Variants in TFPI observed in about 807,000 individuals in gnomAD.
The protein encoded by TFPI is tissue factor pathway inhibitor, also known as anti-convertin.
TFPI carries 15 observed loss-of-function variants against 34.6 expected under a neutral mutation model. The ratio of observed to expected loss-of-function variants is 0.43; its 90% CI spans 0.29 to 0.67. TFPI has a LOEUF of 0.67. Ranked by LOEUF, TFPI falls within the 30% of genes least tolerant of loss-of-function variation. TFPI has a pLI of 0.15. For synonymous variants in TFPI, 105 were observed against 120.1 expected (o/e 0.87, Z 0.82); for missense variants, 301 against 364.0 (o/e 0.83, Z 1.41).
intron 1 of TFPI, among the ~76,000 whole-genome samples, chr2:187,535,154 CCACTGTCAATAT>C (rs1303914831): frequency 1.3e-5 from 2 of 152,074 alleles, no homozygotes; most frequent in African/African-American, 4.8e-5. Flanking sequence ...CTTTAACACC[CCACTGTCAATAT>C]TACACAGATC....
At chr2:187,510,169 T>G (rs563824358) in intron 1 of TFPI, among the ~76,000 whole-genome samples, 2 of 152,330 alleles carry the variant, frequency 1.3e-5, no homozygotes, top group Admixed American at 6.5e-5. Flanking sequence ...CTTCCTGTTC[T>G]TTGTTTCTCC....
intron 1 of TFPI, among the ~76,000 whole-genome samples, chr2:187,533,289 G>A (rs1184753028): frequency 6.6e-6 from 1 of 152,144 alleles, no homozygotes; most frequent in African/African-American, 2.4e-5. Context: ...CCCAGCAAAG[G>A]TCAACAGACA....
At chr2:187,545,335 A>G (rs1280975345) in intron 1 of TFPI, among the ~76,000 whole-genome samples, 2 of 152,232 alleles carry the variant, frequency 1.3e-5, no homozygotes, top group Non-Finnish European at 2.9e-5. Context: ...ACACAATAGC[A>G]TATAGCATAT....
At chr2:187,529,780 TC>T (rs962427223) in intron 1 of TFPI, among the ~76,000 whole-genome samples, 1 of 152,188 alleles carries the variant, frequency 6.6e-6, no homozygotes, top group Non-Finnish European at 1.5e-5. Context: ...TGAAGATACA[TC>T]AGCCCTAGAG....
intron 6 of TFPI, among the ~76,000 whole-genome samples, chr2:187,472,702 T>C (rs891948694): frequency 3.7e-4 from 57 of 152,188 alleles, no homozygotes; most frequent in African/African-American, 1.4e-3. Context: ...TATTATTTTA[T>C]GTACTATTCA....
At chr2:187,530,716 A>G (rs1189254551) in intron 1 of TFPI, among the ~76,000 whole-genome samples, 1 of 152,076 alleles carries the variant, frequency 6.6e-6, no homozygotes, top group Admixed American at 6.6e-5. Context: ...TTTTCTCTCA[A>G]ATGTAAGCTC....
At chr2:187,549,281 G>C (rs1462277166) in intron 1 of TFPI, among the ~76,000 whole-genome samples, 1 of 152,102 alleles carries the variant, frequency 6.6e-6, no homozygotes, top group African/African-American at 2.4e-5. Flanking sequence ...ACAAGAGAAA[G>C]TTGTAATTTG....
At chr2:187,536,276 T>C (rs1393407116) in intron 1 of TFPI, among the ~76,000 whole-genome samples, 19 of 151,866 alleles carry the variant, frequency 1.3e-4, no homozygotes, top group Admixed American at 1.2e-3. Context: ...CAGAGACACA[T>C]GCACAAAAAG....
intron 6 of TFPI, among the ~76,000 whole-genome samples, chr2:187,477,567 C>A (rs1331973782): frequency 6.6e-6 from 1 of 151,940 alleles, no homozygotes. Flanking sequence ...GAGTTTCTCT[C>A]CAGAAAGTTC....
chr2:187,466,062 T>G lies in TFPI; in HGVS notation c.*874A>C, dbSNP rs1691707488. On this transcript the variant is annotated 3_prime_UTR_variant, in exon 8 of 8. Transcript: ENST00000233156. ...TTAAAGCATGAATTATTAGTTGCAT[T>G]GTGTGCAAATCCTAATGATAACTGA... 2 of 152,244 alleles carry G rather than the reference T, an allele frequency of 1.3e-5. 1 individual carries two copies. The highest frequency in any genetic ancestry group is 4.1e-4 in the South Asian group (2 of 4,832). The allele number at this position is 152,244 out of a possible 1,614,324, so 9.4% of individuals were successfully genotyped here.
In TFPI at chr2:187,538,316, C is replaced by T. The variant is rs977960350; in HGVS notation, c.-3+15884G>A. Among the ~76,000 whole-genome samples the T allele has an allele frequency of 1.8e-4, 28 of 152,168 alleles. 1 individual carries two copies. The highest frequency in any genetic ancestry group is 4.4e-5 in the Non-Finnish European group (3 of 68,030). On this transcript the variant is annotated intron_variant, in intron 1 of 7. Coordinates refer to ENST00000233156, the MANE Select transcript of TFPI (RefSeq NM_006287.6). ...TTTATTGCAGCACTATTCACAGTAG[C>T]AAAGACTTGGAACCAACCCAAATGC...
At chr2:187,522,590 A>G (rs894580947) in intron 1 of TFPI, among the ~76,000 whole-genome samples, 1 of 151,930 alleles carries the variant, frequency 6.6e-6, no homozygotes, top group African/African-American at 2.4e-5. Context: ...GAAAACGAAA[A>G]CAAAATAAAA....
At chr2:187,470,830 G>T (rs921905378) in intron 6 of TFPI, among the ~76,000 whole-genome samples, 5 of 152,188 alleles carry the variant, frequency 3.3e-5, no homozygotes, top group African/African-American at 1.2e-4. Flanking sequence ...AGGGTGTCTG[G>T]CATGCTGCTT....
rs77355869 is a variant in TFPI, at chr2:187,512,521, A to G, written c.-2-8751T>C. 9.3e-3 allele frequency among the ~76,000 whole-genome samples: 603 copies of G among 64,858 alleles called. 10 individuals carry two copies. The highest frequency in any genetic ancestry group is 0.024 in the African/African-American group (577 of 23,954). 42.5% of individuals were successfully genotyped at this position (64,858 alleles called of 152,430 possible). A position where few individuals can be genotyped will look rare whatever the true frequency, so the allele number is the denominator to read the frequency against. ...ATGGTTCCTCCTGGGTAATTGAAGG[A>G]AAAAAAAAAAAGCCATCTATACCAA... On this transcript the variant is annotated intron_variant, in intron 1 of 7. Transcript: ENST00000233156.
At chr2:187,503,978 A>G (rs908135059) in intron 1 of TFPI, among the ~76,000 whole-genome samples, 5 of 152,140 alleles carry the variant, frequency 3.3e-5, no homozygotes, top group African/African-American at 9.7e-5. Flanking sequence ...TTCAGTGCAT[A>G]TATTTATTAA....
At chr2:187,510,778 G>A (rs575210884) in intron 1 of TFPI, among the ~76,000 whole-genome samples, 2 of 152,206 alleles carry the variant, frequency 1.3e-5, no homozygotes, top group Admixed American at 1.3e-4. Flanking sequence ...AATCAATCAC[G>A]ACCCTCTCAC....
chr2:187,517,995 C>T (rs994915200), intron 1 of TFPI: 1 of 152,052 alleles, frequency 6.6e-6, no homozygotes, highest in Non-Finnish European at 1.5e-5. Flanking sequence ...TTTGCTTGGT[C>T]AATATTCCTC....
At chr2:187,539,606 C>T (rs911281298) in intron 1 of TFPI, among the ~76,000 whole-genome samples, 2 of 152,094 alleles carry the variant, frequency 1.3e-5, no homozygotes, top group Non-Finnish European at 2.9e-5. Flanking sequence ...ATTGGAAACT[C>T]CAACATTTGT....
intron 1 of TFPI, among the ~76,000 whole-genome samples, chr2:187,505,466 G>C (rs925872198): frequency 7.2e-5 from 11 of 152,140 alleles, no homozygotes; most frequent in Non-Finnish European, 1.6e-4. Context: ...TTAGTTCTCA[G>C]AAACAGCTAG....
Sources: allele counts gnomAD v4.1 joint callset (sites outside exome capture counted in the v4.1 genomes callset), GRCh38; gene constraint gnomAD v4.1.1; transcripts MANE v1.5; gene names NCBI Gene and HGNC (gene_info 2026-07-23, HGNC 2026-07-21).